Variants in NPC1 observed in about 807,000 individuals in gnomAD.
The protein encoded by NPC1 is Niemann-Pick C1 protein.
In NPC1, 85 loss-of-function variants were observed where a neutral mutation model predicts 140.4. The ratio of observed to expected loss-of-function variants is 0.61; its 90% CI spans 0.51 to 0.72. The LOEUF is 0.72. NPC1 is among the 30% of genes least tolerant of loss of function. NPC1 has a pLI of 0.00. For synonymous variants in NPC1, 656 were observed against 624.8 expected (o/e 1.05, Z -0.74); for missense variants, 1,504 against 1,623.8 (o/e 0.93, Z 1.27).
In NPC1 at chr18:23,531,567, TTC is replaced by T; in HGVS notation, c.*633_*634del. 2 of 1,588,744 alleles carry T rather than the reference TTC, an allele frequency of 1.3e-6. No homozygotes were observed. Among genetic ancestry groups the T allele is most frequent in the Non-Finnish European group, 1.7e-6 (2 of 1,170,418 alleles). On this transcript the variant is annotated 3_prime_UTR_variant, in exon 25 of 25. Coordinates refer to ENST00000269228, the MANE Select transcript of NPC1 (RefSeq NM_000271.5). ...CCAGTAGACACACCTACGAGATGCT[TTC>T]TTTGTCCCTCATTTCATGCCACATC...
At chr18:23,543,037 G>GAC (rs1450582808) in intron 14 of NPC1, among the ~76,000 whole-genome samples, 1 of 152,110 alleles carries the variant, frequency 6.6e-6, no homozygotes, top group African/African-American at 2.4e-5. Flanking sequence ...AAAAAAAGGA[G>GAC]ACAACACGGG....
intron 1 of NPC1, among the ~76,000 whole-genome samples, chr18:23,575,082 G>A (rs1567982528): frequency 6.6e-6 from 1 of 152,178 alleles, no homozygotes; most frequent in African/African-American, 2.4e-5. Flanking sequence ...AACTCTCCAG[G>A]GATTGGCCTG....
At chr18:23,532,915 G>T in intron 24 of NPC1, 1 of 985,336 alleles carries the variant, frequency 1.0e-6, no homozygotes, top group Non-Finnish European at 1.2e-6. Context: ...AAAGGATCAA[G>T]GACAGTCTCG....
At chr18:23,513,309 T>C (rs1398626608) in intron 3 of NPC1, among the ~76,000 whole-genome samples, 1 of 152,222 alleles carries the variant, frequency 6.6e-6, no homozygotes, top group Non-Finnish European at 1.5e-5. Flanking sequence ...ATTTGTCCCT[T>C]TGTGACTGGC....
At chr18:23,562,885 A>C (rs1356773453) in intron 4 of NPC1, among the ~76,000 whole-genome samples, 2 of 152,172 alleles carry the variant, frequency 1.3e-5, no homozygotes, top group African/African-American at 4.8e-5. Context: ...TTTACAATAT[A>C]ATTACATGTA....
intron 10 of NPC1, among the ~76,000 whole-genome samples, chr18:23,550,866 T>C (rs1461812550): frequency 2.0e-5 from 3 of 152,164 alleles, no homozygotes; most frequent in Non-Finnish European, 4.4e-5. Context: ...GTCAATTGTT[T>C]CCCCTATGGC....
chr18:23,513,660 A>C (rs1341705329), intron 3 of NPC1, among the ~76,000 whole-genome samples: 1 of 152,224 alleles, frequency 6.6e-6, no homozygotes, highest in Non-Finnish European at 1.5e-5. Context: ...CAATCCCTCC[A>C]AGTGTACAAG....
At chr18:23,572,297 G>GA in intron 2 of NPC1, 117 bp from the exon 3 acceptor site, 1 of 712,166 alleles carries the variant, frequency 1.4e-6, no homozygotes, top group Admixed American at 2.0e-5. Flanking sequence ...AAAAGGGTAA[G>GA]ACACATCCTG....
intron 1 of NPC1, among the ~76,000 whole-genome samples, chr18:23,576,175 G>A (rs1393960474): frequency 6.6e-6 from 1 of 151,992 alleles, no homozygotes; most frequent in Non-Finnish European, 1.5e-5. Flanking sequence ...GGTGAGCCAA[G>A]ATTGTGCCAT....
At chr18:23,523,543 CAAAAAA>C (rs374224848) in intron 1 of NPC1, among the ~76,000 whole-genome samples, 8 of 76,406 alleles carry the variant, frequency 1.0e-4, no homozygotes, top group Non-Finnish European at 1.4e-4. Flanking sequence ...CTTGTCTTCA[CAAAAAA>C]AAAAAAAAAA....
chr18:23,530,200 A>ACCTT, downstream of NPC1: 1 of 1,614,014 alleles, frequency 6.2e-7, no homozygotes, highest in Non-Finnish European at 8.5e-7. Context: ...TATCTTTCCA[A>ACCTT]CTGAAGTGGG....
chr18:23,548,859 C>A (rs146495828), intron 10 of NPC1, among the ~76,000 whole-genome samples: 1 of 152,054 alleles, frequency 6.6e-6, no homozygotes, highest in African/African-American at 2.4e-5. Flanking sequence ...GGTGCAATCG[C>A]GGCTTTTTGT....
chr18:23,561,074 T>G (rs1327323979), intron 5 of NPC1, among the ~76,000 whole-genome samples: 2 of 152,198 alleles, frequency 1.3e-5, no homozygotes, highest in African/African-American at 4.8e-5. Flanking sequence ...TACAATGGGA[T>G]GATCGTAACT....
Position 23,539,890 on chromosome 18 carries a change from T to C in NPC1, c.2716A>G (p.Asn906Asp). Residue 906 changes from asparagine to aspartate, a missense_variant, in exon 18 of 25, where the codon AAC becomes GAC. Coordinates refer to ENST00000269228, the MANE Select transcript of NPC1 (RefSeq NM_000271.5). ...CAGCCCATGCCGCCGCACACCATGTTCTGCCCCTTGGAAGAAGTGTAGTCG... is the reference window on the plus strand; with the variant it reads ...CAGCCCATGCCGCCGCACACCATGTCCTGCCCCTTGGAAGAAGTGTAGTCG... ...GHDYTSSKGQNMVCGGMGCNN... is the reference protein window; with the variant it reads ...GHDYTSSKGQDMVCGGMGCNN... 6.2e-7 allele frequency: 1 copy of C among 1,614,216 alleles called. No homozygotes were observed. Among genetic ancestry groups the C allele is most frequent in the Non-Finnish European group, 8.5e-7 (1 of 1,180,038 alleles).
chr18:23,545,180 G>A (rs988161080), intron 11 of NPC1, 31 bp from the exon 12 acceptor site: 1 of 1,485,460 alleles, frequency 6.7e-7, no homozygotes, highest in Non-Finnish European at 9.4e-7. Flanking sequence ...TATATTTTTA[G>A]TTAAACTAAC....
rs1308911034 is a variant in NPC1 at position 23,532,644 on chromosome 18, T to C, written c.3755-360A>G. On this transcript the variant is annotated intron_variant, in intron 24 of 24. Coordinates refer to ENST00000269228, the MANE Select transcript of NPC1 (RefSeq NM_000271.5). ...GAGATGGAGGCCTCACTATGTTGCC[T>C]AGGCTGGTCTCAAACGATTCTCCTG... Among the ~76,000 whole-genome samples, 4 of 150,996 alleles carry C rather than the reference T, an allele frequency of 2.6e-5. No individual in the cohort carries two copies. In the East Asian group the frequency reaches 7.8e-4, roughly 29 times the overall value.
At chr18:23,555,056 AT>A in intron 8 of NPC1, 72 bp from the exon 9 acceptor site, 1 of 984,710 alleles carries the variant, frequency 1.0e-6, no homozygotes, top group Non-Finnish European at 1.6e-6. Flanking sequence ...ATTAATCAGC[AT>A]TGCCCTGAGG....
chr18:23,540,084 G>A lies in NPC1; in HGVS notation c.2605-83C>T, dbSNP rs1045845295. The A allele has an allele frequency of 3.3e-6, 4 of 1,201,172 alleles. No homozygotes were observed. In the African/African-American group the frequency reaches 4.5e-5, roughly 14 times the overall value. 74.4% of individuals were successfully genotyped at this position (1,201,172 alleles called of 1,614,324 possible). On this transcript the variant is annotated intron_variant, in intron 17 of 24. Coordinates refer to ENST00000269228, the MANE Select transcript of NPC1 (RefSeq NM_000271.5). ...AGGCGAGGATCATGGAGAATAAGAG[G>A]GTGCCAGGAGGTTCCTGGCTGAGAT... is the stretch of plus-strand genomic sequence containing the variant.
At chr18:23,575,568 A>T (rs1180271459) in intron 1 of NPC1, among the ~76,000 whole-genome samples, 2 of 152,104 alleles carry the variant, frequency 1.3e-5, no homozygotes, top group Non-Finnish European at 2.9e-5. Context: ...GTACATATAT[A>T]GTAAGTACTC....
Sources: gnomAD v4.1 joint callset for allele counts (sites outside exome capture counted in the v4.1 genomes callset) on GRCh38, gnomAD v4.1.1 for gene constraint, MANE v1.5 for transcripts, NCBI Gene and HGNC (gene_info 2026-07-23, HGNC 2026-07-21) for gene names.